Variants in KCNN2 observed in about 807,000 individuals in gnomAD.
KCNN2 encodes potassium calcium-activated channel subfamily N member 2, also known as small conductance calcium-activated potassium channel protein 2.
Under a neutral mutation model 55.5 loss-of-function variants are expected in KCNN2, and 24 were observed. The ratio of observed to expected loss-of-function variants is 0.43; its 90% CI spans 0.31 to 0.61. KCNN2 has a LOEUF of 0.61. Among genes scored for constraint, KCNN2 ranks in the 20% least tolerant of loss-of-function variants. The pLI is 0.08. For synonymous variants in KCNN2, 431 were observed against 336.1 expected (o/e 1.28, Z -3.09); for missense variants, 754 against 853.6 (o/e 0.88, Z 1.45).
In KCNN2 at chr5:114,295,440, G is replaced by A. The variant is rs190274642; in HGVS notation, c.-184-65505G>A. Among the ~76,000 whole-genome samples the A allele has an allele frequency of 1.5e-3, 226 of 152,244 alleles. 12 individuals are homozygous for A. In the East Asian group the frequency reaches 0.039, roughly 26 times the overall value. On this transcript the variant is annotated intron_variant, in intron 2 of 10. Coordinates refer to the KCNN2 transcript ENST00000512097. ...CCCCCAGCCTCGCTGCCACCTTGCA[G>A]TTTGATCTCAGACTGCTGTGCTAGC...
intron 1 of KCNN2, among the ~76,000 whole-genome samples, chr5:114,220,671 G>A (rs978194978): frequency 1.6e-4 from 24 of 151,888 alleles, no homozygotes; most frequent in Admixed American, 1.2e-3. Context: ...AAATTAACAA[G>A]TGAACATGGC....
intron 2 of KCNN2, among the ~76,000 whole-genome samples, chr5:114,241,804 ACG>A (rs35684321): frequency 0.15 from 3,533 of 22,864 alleles, 935 homozygotes; most frequent in East Asian, 0.22. Context: ...GTATATATAT[ACG>A]TATATATATA....
At chr5:114,247,494 TG>T (rs201278842) in intron 2 of KCNN2, among the ~76,000 whole-genome samples, 5,904 of 152,338 alleles carry the variant, frequency 0.039, 149 homozygotes, top group Middle Eastern at 0.058. Context: ...TGTGTCCCAC[TG>T]TGTCATGTTG....
intron 2 of KCNN2, among the ~76,000 whole-genome samples, chr5:114,290,905 C>T (rs1292103540): frequency 6.6e-6 from 1 of 151,758 alleles, no homozygotes; most frequent in Non-Finnish European, 1.5e-5. Flanking sequence ...TTCTATTTTC[C>T]TTGTTACTGA....
intron 1 of KCNN2, among the ~76,000 whole-genome samples, chr5:114,110,958 C>G (rs1479657476): frequency 6.6e-6 from 1 of 152,068 alleles, no homozygotes; most frequent in Non-Finnish European, 1.5e-5. Flanking sequence ...AAAACTACTT[C>G]ACAGAATTGG....
intron 1 of KCNN2, among the ~76,000 whole-genome samples, chr5:114,076,588 A>C (rs1750689570): frequency 6.6e-6 from 1 of 152,248 alleles, no homozygotes; most frequent in African/African-American, 2.4e-5. Context: ...CCTCACTCCA[A>C]ATATAGCTCT....
chr5:114,341,964 T>C (rs1355239429), intron 2 of KCNN2, among the ~76,000 whole-genome samples: 4 of 151,498 alleles, frequency 2.6e-5, no homozygotes, highest in African/African-American at 9.7e-5. Flanking sequence ...TGCAGTGGCA[T>C]GATCTCGGCT....
chr5:114,226,181 A>C (rs1580637171), intron 2 of KCNN2, among the ~76,000 whole-genome samples: 1 of 152,192 alleles, frequency 6.6e-6, no homozygotes, highest in East Asian at 1.9e-4. Context: ...ACCTAAAGGA[A>C]ACCTTAGATT....
chr5:114,124,709 C>T (rs1378174468), intron 1 of KCNN2, among the ~76,000 whole-genome samples: 2 of 152,160 alleles, frequency 1.3e-5, no homozygotes, highest in African/African-American at 4.8e-5. Flanking sequence ...CCTCTATTCT[C>T]AACATCTTTT....
In KCNN2 at chr5:114,320,933, A is replaced by G. The variant is rs1756602778; in HGVS notation, c.-184-40012A>G. Among the ~76,000 whole-genome samples, 3 of 152,266 alleles carry G rather than the reference A, an allele frequency of 2.0e-5. 1 individual carries two copies. The East Asian group carries it at 5.8e-4, about 29-fold the overall frequency. On this transcript the variant is annotated intron_variant, in intron 2 of 10. Transcript: ENST00000512097. ...AGGTTCAAGAGGAAATACCCCATCC[A>G]CAGATCTCTGATGTCCCCACATTGC...
chr5:114,237,165 T>C (rs1221233617), intron 2 of KCNN2, among the ~76,000 whole-genome samples: 2 of 151,830 alleles, frequency 1.3e-5, no homozygotes, highest in Admixed American at 1.3e-4. Flanking sequence ...AAGACCAAAC[T>C]GATTTCCAGT....
At chr5:114,153,293 G>A (rs769099811) in intron 1 of KCNN2, among the ~76,000 whole-genome samples, 5 of 152,044 alleles carry the variant, frequency 3.3e-5, no homozygotes, top group African/African-American at 7.2e-5. Context: ...TGCACTTCTC[G>A]CCCACCTCCA....
intron 3 of KCNN2, among the ~76,000 whole-genome samples, chr5:114,452,240 T>C (rs1760726110): frequency 6.6e-6 from 1 of 152,206 alleles, no homozygotes; most frequent in African/African-American, 2.4e-5. Flanking sequence ...AGGGAGGTTT[T>C]TATTAAAGTG....
At chr5:114,088,973 A>G (rs1022242119) in intron 1 of KCNN2, among the ~76,000 whole-genome samples, 1 of 152,184 alleles carries the variant, frequency 6.6e-6, no homozygotes, top group African/African-American at 2.4e-5. Flanking sequence ...TATTCTCACC[A>G]TACTGAGTTT....
chr5:114,080,996 A>G (rs1750804476), intron 1 of KCNN2, among the ~76,000 whole-genome samples: 1 of 152,188 alleles, frequency 6.6e-6, no homozygotes, highest in African/African-American at 2.4e-5. Context: ...GCAGGATACA[A>G]ATTTATATAC....
chr5:114,433,618 C>T (rs1392193172), intron 3 of KCNN2: 1 of 152,578 alleles, frequency 6.6e-6, no homozygotes, highest in Non-Finnish European at 1.5e-5. Flanking sequence ...CCTTTATGAG[C>T]TGTAACACTC....
chr5:114,106,858 T>C (rs1244111818), intron 1 of KCNN2, among the ~76,000 whole-genome samples: 1 of 152,056 alleles, frequency 6.6e-6, no homozygotes, highest in Non-Finnish European at 1.5e-5. Flanking sequence ...TAACTTTTTA[T>C]GAACAGTTTT....
At chr5:114,183,531 A>T (rs1188942684) in intron 1 of KCNN2, among the ~76,000 whole-genome samples, 1 of 152,136 alleles carries the variant, frequency 6.6e-6, no homozygotes, top group Non-Finnish European at 1.5e-5. Flanking sequence ...CTTGATAGAT[A>T]TACAAATAGA....
intron 1 of KCNN2, among the ~76,000 whole-genome samples, chr5:114,123,959 C>G (rs932145759): frequency 6.6e-6 from 1 of 152,222 alleles, no homozygotes; most frequent in Non-Finnish European, 1.5e-5. Context: ...CTGACCCTTA[C>G]TGCCTTCTTT....
Sources: gnomAD v4.1 joint callset for allele counts (sites outside exome capture counted in the v4.1 genomes callset) on GRCh38, gnomAD v4.1.1 for gene constraint, MANE v1.5 for transcripts, NCBI Gene and HGNC (gene_info 2026-07-23, HGNC 2026-07-21) for gene names.